The following VWC2L variants were observed in gnomAD, a reference collection of about 807,000 sequenced individuals.
VWC2L encodes von Willebrand factor C domain containing 2 like.
VWC2L carries 10 observed loss-of-function variants against 21.6 expected under a neutral mutation model. The ratio of observed to expected loss-of-function variants is 0.46; its 90% CI spans 0.29 to 0.78. The LOEUF (loss-of-function observed/expected upper bound fraction) is 0.78, where lower values mean the gene tolerates loss of function less well. Ranked by LOEUF, VWC2L falls within the 30% of genes least tolerant of loss-of-function variation. The pLI is 0.10. For synonymous variants in VWC2L, 96 were observed against 94.3 expected (o/e 1.02, Z -0.10); for missense variants, 209 against 277.1 (o/e 0.75, Z 1.74).
chr2:214,482,256 T>C (rs1345501766), intron 3 of VWC2L, among the ~76,000 whole-genome samples: 2 of 152,126 alleles, frequency 1.3e-5, no homozygotes, highest in African/African-American at 4.8e-5. Flanking sequence ...CATCTGATAG[T>C]ATGCAGAAAA....
intron 3 of VWC2L, among the ~76,000 whole-genome samples, chr2:214,459,899 TGAC>T (rs1385987064): frequency 7.2e-5 from 10 of 138,244 alleles, no homozygotes; most frequent in African/African-American, 2.8e-4. Context: ...TCTTTTCCTT[TGAC>T]TTTTTTTTTT....
intron 3 of VWC2L, among the ~76,000 whole-genome samples, chr2:214,448,186 A>C (rs1702868086): frequency 6.6e-6 from 1 of 152,340 alleles, no homozygotes; most frequent in South Asian, 2.1e-4. Context: ...ACCCCATGAA[A>C]GCAAAGATTT....
chr2:214,556,716 C>A (rs1689878232), intron 3 of VWC2L, among the ~76,000 whole-genome samples: 1 of 152,156 alleles, frequency 6.6e-6, no homozygotes, highest in Non-Finnish European at 1.5e-5. Context: ...GGAATCCATA[C>A]CAGGAGGACT....
intron 3 of VWC2L, among the ~76,000 whole-genome samples, chr2:214,497,532 C>T (rs1688829484): frequency 6.6e-6 from 1 of 152,112 alleles, no homozygotes; most frequent in East Asian, 1.9e-4. Context: ...TGGAATTTTT[C>T]TTTGTTGATT....
intron 3 of VWC2L, among the ~76,000 whole-genome samples, chr2:214,519,241 T>G (rs1057001066): frequency 6.6e-6 from 1 of 152,166 alleles, no homozygotes; most frequent in African/African-American, 2.4e-5. Context: ...TTCTTACCCA[T>G]GTACTGCTGC....
chr2:214,532,288 A>C (rs1217077775), intron 3 of VWC2L, among the ~76,000 whole-genome samples: 1 of 152,176 alleles, frequency 6.6e-6, no homozygotes, highest in Non-Finnish European at 1.5e-5. Context: ...ATTACTTGAG[A>C]TTCCAGATGT....
chr2:214,514,253 C>A (rs1689105356), intron 3 of VWC2L, among the ~76,000 whole-genome samples: 1 of 151,588 alleles, frequency 6.6e-6, no homozygotes, highest in Admixed American at 6.6e-5. Flanking sequence ...TGTGTTAATA[C>A]CAGACATAGA....
intron 3 of VWC2L, among the ~76,000 whole-genome samples, chr2:214,517,717 T>C (rs924641490): frequency 2.6e-5 from 4 of 152,058 alleles, no homozygotes; most frequent in Non-Finnish European, 4.4e-5. Context: ...ATAAGAAATA[T>C]AGAACACTTG....
chr2:214,552,141 C>T (rs754109570), intron 3 of VWC2L, among the ~76,000 whole-genome samples: 21 of 152,254 alleles, frequency 1.4e-4, no homozygotes, highest in Non-Finnish European at 2.9e-4. Flanking sequence ...GTTCCTGGAA[C>T]TCATTTTCTA....
intron 3 of VWC2L, among the ~76,000 whole-genome samples, chr2:214,443,328 C>A (rs184024973): frequency 6.6e-6 from 1 of 152,018 alleles, no homozygotes; most frequent in South Asian, 2.1e-4. Context: ...GCTGAGATCA[C>A]GCCCTTGCAC....
chr2:214,568,454 C>A (rs12471530), intron 3 of VWC2L, among the ~76,000 whole-genome samples: 15 of 152,130 alleles, frequency 9.9e-5, no homozygotes, highest in South Asian at 8.3e-4. Flanking sequence ...AAGACATACC[C>A]GAGACTAGGT....
chr2:214,553,723 A>C (rs566113273), intron 3 of VWC2L, among the ~76,000 whole-genome samples: 1 of 152,282 alleles, frequency 6.6e-6, no homozygotes, highest in Non-Finnish European at 1.5e-5. Flanking sequence ...AAGGTAGGAG[A>C]GTAAAATGAG....
At chr2:214,516,523 T>C (rs751124376) in intron 3 of VWC2L, among the ~76,000 whole-genome samples, 4 of 152,180 alleles carry the variant, frequency 2.6e-5, no homozygotes, top group Non-Finnish European at 5.9e-5. Context: ...CTCAATAGTT[T>C]TGTCAGAGCT....
chr2:214,501,902 A>C (rs1688897905), intron 3 of VWC2L, among the ~76,000 whole-genome samples: 1 of 152,168 alleles, frequency 6.6e-6, no homozygotes, highest in South Asian at 2.1e-4. Context: ...GATTACAGAG[A>C]AAGAGAAGTG....
intron 3 of VWC2L, among the ~76,000 whole-genome samples, chr2:214,438,914 A>G (rs1702720866): frequency 6.6e-6 from 1 of 152,086 alleles, no homozygotes; most frequent in Non-Finnish European, 1.5e-5. Flanking sequence ...TAAATCATGA[A>G]GCACTATGAA....
intron 2 of VWC2L, among the ~76,000 whole-genome samples, chr2:214,419,756 A>T (rs759069995): frequency 9.9e-5 from 15 of 152,140 alleles, no homozygotes; most frequent in Non-Finnish European, 1.9e-4. Context: ...CAAATGTCTT[A>T]TGGGTTTGTT....
chr2:214,490,927 G>A lies in VWC2L; in HGVS notation c.520+54169G>A, dbSNP rs535288549. On this transcript the variant is annotated intron_variant, in intron 3 of 3. Coordinates refer to ENST00000312504, the MANE Select transcript of VWC2L (RefSeq NM_001080500.4). ...GGAAACACCGTGCTAAATGAGAGAA[G>A]CAAAACACAGAAGTCTACATGTTGT... Among the ~76,000 whole-genome samples the A allele has an allele frequency of 2.6e-5, 4 of 152,234 alleles. No individual in the cohort carries two copies. In the South Asian group the frequency reaches 8.3e-4, roughly 32 times the overall value.
chr2:214,532,137 G>A lies in VWC2L; in HGVS notation c.521-43535G>A, dbSNP rs142901323. On this transcript the variant is annotated intron_variant, in intron 3 of 3. Coordinates refer to ENST00000312504, the MANE Select transcript of VWC2L (RefSeq NM_001080500.4). ...CCTAGGCCAGAGACTGAAAAAACCTGCTTCATTAGTTGACATAACCCACTT... is the reference window on the plus strand; with the variant it reads ...CCTAGGCCAGAGACTGAAAAAACCTACTTCATTAGTTGACATAACCCACTT... Among the ~76,000 whole-genome samples, 1,055 of 152,194 alleles carry A rather than the reference G, an allele frequency of 6.9e-3. 38 individuals are homozygous for A. The highest frequency in any genetic ancestry group is 0.056 in the Admixed American group (861 of 15,286).
intron 3 of VWC2L, among the ~76,000 whole-genome samples, chr2:214,443,444 T>C (rs1702792077): frequency 1.3e-5 from 2 of 152,024 alleles, no homozygotes; most frequent in East Asian, 1.9e-4. Context: ...GTATATTTTG[T>C]TAGCAAACAG....
Sources: gnomAD v4.1 joint callset for allele counts (sites outside exome capture counted in the v4.1 genomes callset) on GRCh38, gnomAD v4.1.1 for gene constraint, MANE v1.5 for transcripts, NCBI Gene and HGNC (gene_info 2026-07-23, HGNC 2026-07-21) for gene names.